The following GAS6 variants were observed in gnomAD, a reference collection of about 807,000 sequenced individuals.
The protein encoded by GAS6 is growth arrest-specific protein 6.
GAS6 carries 41 observed loss-of-function variants against 75.8 expected under a neutral mutation model. The observed-to-expected ratio is 0.54, with a 90% CI of 0.42 to 0.70. The LOEUF (loss-of-function observed/expected upper bound fraction) is 0.70, where lower values mean the gene tolerates loss of function less well. GAS6 is among the 30% of genes least tolerant of loss of function. The pLI is 0.00. For missense variants in GAS6, 854 were observed against 940.2 expected, an observed-to-expected ratio of 0.91 and a Z score of 1.20; for synonymous variants, 432 against 412.6, an observed-to-expected ratio of 1.05 and a Z score of -0.57.
intron 11 of GAS6, 49 bp from the exon 12 acceptor site, chr13:113,827,213 AT>A: frequency 6.3e-7 from 1 of 1,586,108 alleles, no homozygotes; most frequent in Non-Finnish European, 8.6e-7. Context: ...GAGAAGCCCC[AT>A]GCCGGATGCC....
At position 113,835,595 on chromosome 13, in the gene GAS6, C is replaced by T. The variant is rs544163250; in HGVS notation, c.630G>A (p.Ala210=). The T allele has an allele frequency of 5.0e-6, 8 of 1,612,424 alleles. No homozygotes were observed. Among genetic ancestry groups the T allele is most frequent in the South Asian group, 3.3e-5 (3 of 91,072 alleles). The change falls in exon 7 of 15, where the codon GCG becomes GCA. Residue 210 remains alanine, a synonymous_variant. Transcript: ENST00000327773. ...ECADSEACGE[A]RCKNLPGSYS... ...AGGAGCCGGGCAGGTTCTTGCAGCG[C>T]GCCTCCCCGCAGGCCTCCGAGTCTG...
chr13:113,829,655 C>T (rs2051604504), intron 10 of GAS6, among the ~76,000 whole-genome samples: 2 of 150,186 alleles, frequency 1.3e-5, no homozygotes, highest in Admixed American at 6.6e-5. Context: ...TCAAGGAGAC[C>T]ATCTGATCCT....
rs150454501 is a variant in GAS6 at position 113,855,714 on chromosome 13, G to A, written c.256-7664C>T. The stretch of plus-strand genomic sequence containing the variant: ...CCAGCCTGAGCTCTGCCCAGCTGGT[G>A]TAAGGACAGTAAAGGCAACCAGATG... On this transcript the variant is annotated intron_variant, in intron 2 of 14. Transcript: ENST00000327773. Among the ~76,000 whole-genome samples the A allele has an allele frequency of 2.9e-3, 444 of 152,288 alleles. 7 individuals carry two copies. Among genetic ancestry groups the A allele is most frequent in the African/African-American group, 9.1e-3 (378 of 41,558 alleles).
intron 2 of GAS6, among the ~76,000 whole-genome samples, chr13:113,853,604 A>G (rs7400121): frequency 0.2 from 30,037 of 152,214 alleles, 3,182 homozygotes; most frequent in South Asian, 0.38. Context: ...GTGGGTGGAG[A>G]CTGCTGAGCA....
intron 2 of GAS6, among the ~76,000 whole-genome samples, chr13:113,853,454 T>A (rs2051891628): frequency 6.6e-6 from 1 of 152,258 alleles, no homozygotes; most frequent in South Asian, 2.1e-4. Flanking sequence ...CAGTCCTGCA[T>A]AAATCTTTTT....
chr13:113,837,030 C>T lies in GAS6; in HGVS notation c.589+1039G>A, dbSNP rs1469581638. 6.6e-6 allele frequency among the ~76,000 whole-genome samples: 1 copy of T among 151,614 alleles called. No homozygotes were observed. The highest frequency in any genetic ancestry group is 2.1e-4 in the South Asian group (1 of 4,802). On this transcript the variant is annotated intron_variant, in intron 6 of 14. Coordinates refer to ENST00000327773, the MANE Select transcript of GAS6 (RefSeq NM_000820.4). This position sits in a 1 kb window ranked among gnomAD's most constrained non-coding sequence, Gnocchi z 5.1. Reference sequence around the variant, plus strand: ...AGTGCCCGACTGGTGCAGGGACCCACGGGAGATGCTTTAGACGTCATCTCT... The same window carrying T: ...AGTGCCCGACTGGTGCAGGGACCCATGGGAGATGCTTTAGACGTCATCTCT...
At chr13:113,849,904 A>G (rs1270178598) in intron 2 of GAS6, among the ~76,000 whole-genome samples, 1 of 152,238 alleles carries the variant, frequency 6.6e-6, no homozygotes, top group Non-Finnish European at 1.5e-5. Flanking sequence ...AGATGGTTAA[A>G]CCATGAGCAA....
At chr13:113,830,287 G>C (rs917398414) in intron 10 of GAS6, among the ~76,000 whole-genome samples, 2 of 152,130 alleles carry the variant, frequency 1.3e-5, no homozygotes, top group Non-Finnish European at 2.9e-5. Flanking sequence ...AGGTACCCCT[G>C]CTGGGGAAGG....
chr13:113,839,968 G>T, intron 4 of GAS6, 118 bp from the exon 5 acceptor site: 3 of 1,492,528 alleles, frequency 2.0e-6, no homozygotes, highest in Non-Finnish European at 1.8e-6. Context: ...GCTCTGAGGG[G>T]CGCAGGCTGA....
At chr13:113,860,860 G>C (rs2051965566) in intron 2 of GAS6, among the ~76,000 whole-genome samples, 1 of 152,160 alleles carries the variant, frequency 6.6e-6, no homozygotes, top group African/African-American at 2.4e-5. Flanking sequence ...CCTGGGAGGG[G>C]TGCTGGGCTT....
chr13:113,832,870 C>T (rs967251631), intron 8 of GAS6, 118 bp from the exon 9 acceptor site: 100 of 1,562,330 alleles, frequency 6.4e-5, no homozygotes, highest in Non-Finnish European at 8.4e-5. Context: ...GGAGTGGCCA[C>T]CCCGCCTCTA....
At chr13:113,852,997 C>T (rs1002075198) in intron 2 of GAS6, among the ~76,000 whole-genome samples, 4 of 152,218 alleles carry the variant, frequency 2.6e-5, no homozygotes, top group African/African-American at 9.6e-5. Context: ...CGGGGGGACT[C>T]TTCCCCTAGG....
intron 13 of GAS6, chr13:113,822,396 G>T: frequency 4.2e-6 from 2 of 476,716 alleles, no homozygotes; most frequent in Non-Finnish European, 7.4e-6. Flanking sequence ...TAAAGCCAGG[G>T]GCCAGCCTGG....
Position 113,820,785 on chromosome 13 carries a change from C to T in GAS6, c.*79G>A, listed in dbSNP as rs1289536445. 6.8e-7 allele frequency: 1 copy of T among 1,465,452 alleles called. No individual in the cohort carries two copies. The allele number at this position is 1,465,452 out of a possible 1,614,324, so 90.8% of individuals were successfully genotyped here. Reference sequence around the variant, plus strand: ...AGGAAAGCCCAGCTCTCAGCATGGCCCCACGTGGTGAGGAGCCCCCAGGCT... The same window carrying T: ...AGGAAAGCCCAGCTCTCAGCATGGCTCCACGTGGTGAGGAGCCCCCAGGCT... On this transcript the variant is annotated 3_prime_UTR_variant, in exon 15 of 15. Coordinates refer to ENST00000327773, the MANE Select transcript of GAS6 (RefSeq NM_000820.4).
Position 113,863,900 on chromosome 13 carries a change from G to C in GAS6, c.21C>G (p.Pro7=). The change falls in exon 1 of 15, where the codon CCC becomes CCG. Residue 7 remains proline (P), a synonymous_variant. Coordinates refer to ENST00000327773, the MANE Select transcript of GAS6 (RefSeq NM_000820.4). The surrounding 1 kb of genome is among the most constrained non-coding windows in gnomAD (Gnocchi z 9.4). The part of the protein sequence containing the change: MAPSLS[P]GPAALRRAPQ... ...GCGCGCGGCGCAGGGCGGCGGGCCC[G>C]GGCGAGAGCGAAGGGGCCATGGCGG... 1 of 1,182,928 alleles carries C rather than the reference G, an allele frequency of 8.5e-7. No individual in the cohort carries two copies. Among genetic ancestry groups the C allele is most frequent in the Non-Finnish European group, 1.0e-6 (1 of 958,526 alleles). 73.3% of individuals were successfully genotyped at this position (1,182,928 alleles called of 1,614,324 possible).
intron 9 of GAS6, 27 bp from the exon 10 acceptor site, chr13:113,832,515 A>G: frequency 3.8e-6 from 6 of 1,593,078 alleles, no homozygotes; most frequent in Non-Finnish European, 5.1e-6. Context: ...GAAATGAGTC[A>G]GCACTGGGCA....
In GAS6 at chr13:113,848,086, C is replaced by T. The variant is rs2051847643; in HGVS notation, c.256-36G>A. On this transcript the variant is annotated intron_variant, in intron 2 of 14. Coordinates refer to ENST00000327773, the MANE Select transcript of GAS6 (RefSeq NM_000820.4). The surrounding 1 kb of genome is among the most constrained non-coding windows in gnomAD (Gnocchi z 4.8). The stretch of plus-strand genomic sequence containing the variant: ...AGAAAAAGAAAAGGCAAGCATTGAC[C>T]GGCACACTACGAGGGTCTCTGAACA... 9.3e-6 allele frequency: 15 copies of T among 1,608,724 alleles called. No individual in the cohort carries two copies. Among genetic ancestry groups the T allele is most frequent in the African/African-American group, 1.3e-5 (1 of 74,532 alleles).
intron 12 of GAS6, among the ~76,000 whole-genome samples, chr13:113,826,223 G>A (rs767328426): frequency 2.6e-5 from 4 of 152,174 alleles, no homozygotes; most frequent in Non-Finnish European, 4.4e-5. Context: ...GCAGCTTCAC[G>A]GCTGTTTTTA....
Position 113,833,543 on chromosome 13 carries a change from T to A in GAS6, c.835-791A>T, listed in dbSNP as rs562891306. On this transcript the variant is annotated intron_variant, in intron 8 of 14. Coordinates refer to ENST00000327773, the MANE Select transcript of GAS6 (RefSeq NM_000820.4). The stretch of plus-strand genomic sequence containing the variant: ...ACAAGAGCCGCCCTGCCCAGAAACG[T>A]CCACATGTGGGTACTGCATTCCTAC... The A allele has an allele frequency of 1.9e-5, 19 of 1,000,736 alleles. No individual in the cohort carries two copies. The African/African-American group carries it at 3.0e-4, about 16-fold the overall frequency. The allele number at this position is 1,000,736 out of a possible 1,614,324, so 62.0% of individuals were successfully genotyped here.
Sources: gnomAD v4.1 joint callset for allele counts (sites outside exome capture counted in the v4.1 genomes callset) on GRCh38, gnomAD v4.1.1 for gene constraint, Gnocchi (gnomAD v3.1) non-coding constraint, MANE v1.5 for transcripts, NCBI Gene and HGNC (gene_info 2026-07-23, HGNC 2026-07-21) for gene names.